TUB: variants seen among roughly 807,000 people sequenced by gnomAD.
The protein encoded by TUB is tubby protein homolog.
TUB carries 33 observed loss-of-function variants against 59.7 expected under a neutral mutation model. That is an observed-to-expected ratio of 0.55 (90% confidence interval 0.42 to 0.74). The LOEUF is 0.74. TUB is among the 30% of genes least tolerant of loss of function. The probability of loss-of-function intolerance (pLI) is 0.00; values close to 1 mark genes in which losing one functional copy is unlikely to be tolerated. For missense variants in TUB, 659 were observed against 672.0 expected (o/e 0.98, Z 0.21); for synonymous variants, 293 against 256.4 (o/e 1.14, Z -1.36).
chr11:8,062,895 G>A (rs1242568525), intron 2 of TUB, among the ~76,000 whole-genome samples: 3 of 152,192 alleles, frequency 2.0e-5, no homozygotes, highest in Admixed American at 6.5e-5. Flanking sequence ...CGTTGTCTCT[G>A]GAAGGTGTTC....
chr11:8,077,229 C>T (rs1248487084), upstream of TUB: 1 of 152,226 alleles, frequency 6.6e-6, no homozygotes, highest in Non-Finnish European at 1.5e-5. Context: ...TGGCTTAAAA[C>T]CCTCTAGTGG....
At chr11:8,080,255 A>C (rs1012328786), upstream of TUB, among the ~76,000 whole-genome samples, 4 of 152,182 alleles carry the variant, frequency 2.6e-5, no homozygotes, top group African/African-American at 7.2e-5. Flanking sequence ...GCGTGTGGGG[A>C]CCGTGCCCCT....
At chr11:8,022,469 C>T (rs541641741) in intron 1 of TUB, among the ~76,000 whole-genome samples, 12 of 152,282 alleles carry the variant, frequency 7.9e-5, no homozygotes, top group African/African-American at 2.9e-4. Context: ...CCTTCAAGTC[C>T]TCACCCAAGT....
chr11:8,030,758 G>C (rs1471149855), intron 1 of TUB, among the ~76,000 whole-genome samples: 1 of 152,180 alleles, frequency 6.6e-6, no homozygotes, highest in Admixed American at 6.5e-5. Flanking sequence ...GATCTGGGGA[G>C]GCTTTGGAGT....
At chr11:8,099,364 C>T (rs1944152098) in intron 9 of TUB, among the ~76,000 whole-genome samples, 1 of 152,168 alleles carries the variant, frequency 6.6e-6, no homozygotes, top group South Asian at 2.1e-4. Flanking sequence ...TAGGGGATTA[C>T]TCTACCCCTT....
chr11:8,034,649 A>G (rs1942621857), upstream of TUB, among the ~76,000 whole-genome samples: 1 of 152,168 alleles, frequency 6.6e-6, no homozygotes, highest in Non-Finnish European at 1.5e-5. Context: ...TATTAGTAAC[A>G]TTTATCAACA....
chr11:8,093,658 G>A (rs998479459), intron 3 of TUB, among the ~76,000 whole-genome samples: 2 of 152,174 alleles, frequency 1.3e-5, no homozygotes, highest in Non-Finnish European at 2.9e-5. Context: ...GTCTCTTCCA[G>A]AAGATGCAGC....
chr11:8,095,352 T>G, intron 4 of TUB, 146 bp from the exon 5 acceptor site: 1 of 741,898 alleles, frequency 1.3e-6, no homozygotes, highest in Non-Finnish European at 2.2e-6. Context: ...GCTGGTGCAA[T>G]CATTAGTTTT....
Position 8,100,520 on chromosome 11 carries a change from C to T in TUB, c.1134C>T (p.Gly378=), listed in dbSNP as rs376884296. 2.3e-5 allele frequency: 37 copies of T among 1,613,992 alleles called. No individual in the cohort carries two copies. The highest frequency in any genetic ancestry group is 2.9e-5 in the Non-Finnish European group (34 of 1,180,014). Residue 378 remains glycine (G), a synonymous_variant, in exon 10 of 12, where the codon GGC becomes GGT. Transcript: ENST00000299506. ...AAVCYETNVL[G]FKGPRKMSVI... Reference sequence around the variant, plus strand: ...TTTCCCAGGAGACAAACGTCTTAGGCTTCAAGGGGCCTCGGAAGATGAGCG... The same window carrying T: ...TTTCCCAGGAGACAAACGTCTTAGGTTTCAAGGGGCCTCGGAAGATGAGCG...
Position 8,097,818 on chromosome 11 carries a change from G to T in TUB, c.990G>T (p.Gly330=), listed in dbSNP as rs751516278. 3 of 1,613,156 alleles carry T rather than the reference G, an allele frequency of 1.9e-6. No individual in the cohort carries two copies. In the African/African-American group the frequency reaches 4.0e-5, roughly 22 times the overall value. ...DLSRGGDSYI[G]KLRSNLMGTK... is the part of the protein sequence containing the mutation. ...CTCGAGGAGGGGACAGCTATATCGGGAAACTGCGGTACTAGCATTCCCCCA... is the reference window on the plus strand; with the variant it reads ...CTCGAGGAGGGGACAGCTATATCGGTAAACTGCGGTACTAGCATTCCCCCA... Residue 330 remains glycine (G), a synonymous_variant, in exon 8 of 12, where the codon GGG becomes GGT. Transcript: ENST00000299506.
intron 1 of TUB, among the ~76,000 whole-genome samples, chr11:8,086,166 G>A (rs1047004306): frequency 2.0e-5 from 3 of 152,206 alleles, no homozygotes; most frequent in Non-Finnish European, 2.9e-5. Flanking sequence ...GTCTCCTGGC[G>A]GGGCTGCAGC....
At chr11:8,056,817 T>C (rs188811174) in intron 2 of TUB, among the ~76,000 whole-genome samples, 63 of 151,970 alleles carry the variant, frequency 4.1e-4, no homozygotes, top group African/African-American at 1.4e-3. Context: ...TGTGCAGGCA[T>C]GTCCCCAAAA....
Position 8,101,840 on chromosome 11 carries a change from G to GTTTT in TUB, c.*221_*222insTTTT. 2.1e-6 allele frequency: 1 copy of GTTTT among 476,112 alleles called. No individual in the cohort carries two copies. Among genetic ancestry groups the GTTTT allele is most frequent in the Non-Finnish European group, 3.2e-6 (1 of 313,494 alleles). The allele number at this position is 476,112 out of a possible 1,614,324, so 29.5% of individuals were successfully genotyped here. ...CGGGTGGGTGGGTGTGAAGGGATGA[G>GTTTT]AATAATTCTTTCCATGCCACGAGAT... On this transcript the variant is annotated 3_prime_UTR_variant, in exon 12 of 12. Transcript: ENST00000299506.
chr11:8,100,136 A>G (rs1383588893), intron 9 of TUB, among the ~76,000 whole-genome samples: 2 of 152,176 alleles, frequency 1.3e-5, no homozygotes, highest in Non-Finnish European at 1.5e-5. Context: ...TCTTGGTGAG[A>G]GAAGCTAGTG....
At position 8,098,734 on chromosome 11, in the gene TUB, A is replaced by G. The variant is rs375704555; in HGVS notation, c.999-24A>G. ...TCTGGGGCAGAGGGTGCATGACTCT[A>G]TACTGATTGTGCCTTTATTTCAGGT... On this transcript the variant is annotated intron_variant, in intron 8 of 11. Transcript: ENST00000299506. 3.2e-6 allele frequency: 5 copies of G among 1,560,912 alleles called. No homozygotes were observed. The African/African-American group carries it at 4.1e-5, about 13-fold the overall frequency.
chr11:8,086,777 G>C (rs1943676373), intron 1 of TUB, among the ~76,000 whole-genome samples: 1 of 152,184 alleles, frequency 6.6e-6, no homozygotes, highest in Non-Finnish European at 1.5e-5. Flanking sequence ...CCTTCTGTGT[G>C]CTTGCACATG....
Position 8,069,893 on chromosome 11 carries a change from G to A in TUB, c.204-19717G>A, listed in dbSNP as rs369308114. ...AGAAACAGGCAAAAAAGAGAGTAGT[G>A]GGGGCACCAATGCCCTGACTACCCC... On this transcript the variant is annotated intron_variant, in intron 2 of 12. Coordinates refer to the TUB transcript ENST00000305253. 4.8e-3 allele frequency among the ~76,000 whole-genome samples: 731 copies of A among 152,218 alleles called. 10 individuals are homozygous for A. Among genetic ancestry groups the A allele is most frequent in the African/African-American group, 0.016 (680 of 41,516 alleles).
intron 2 of TUB, among the ~76,000 whole-genome samples, chr11:8,052,820 G>T (rs1942954749): frequency 6.6e-6 from 1 of 152,066 alleles, no homozygotes; most frequent in South Asian, 2.1e-4. Flanking sequence ...CTGATATGTA[G>T]AAAAGCCATT....
At chr11:8,058,469 G>A (rs901515615) in intron 2 of TUB, among the ~76,000 whole-genome samples, 1 of 152,190 alleles carries the variant, frequency 6.6e-6, no homozygotes, top group Admixed American at 6.5e-5. Flanking sequence ...AACAGGTGCT[G>A]CACATTAAGA....
Sources: allele counts gnomAD v4.1 joint callset (sites outside exome capture counted in the v4.1 genomes callset), GRCh38; gene constraint gnomAD v4.1.1; transcripts MANE v1.5; gene names NCBI Gene and HGNC (gene_info 2026-07-23, HGNC 2026-07-21).